The following TMEM117 variants were observed in gnomAD, a reference collection of about 807,000 sequenced individuals.
TMEM117 encodes transmembrane protein 117.
Under a neutral mutation model 52.4 loss-of-function variants are expected in TMEM117, and 27 were observed. The ratio of observed to expected loss-of-function variants is 0.51; its 90% CI spans 0.38 to 0.71. TMEM117 has a LOEUF of 0.71. Ranked by LOEUF, TMEM117 falls within the 30% of genes least tolerant of loss-of-function variation. The pLI, the probability that TMEM117 is intolerant of heterozygous loss-of-function variation, is 0.00. For missense variants in TMEM117, 556 were observed against 630.5 expected (o/e 0.88, Z 1.26); for synonymous variants, 215 against 206.3 (o/e 1.04, Z -0.36).
At chr12:44,327,006 T>C (rs1028528593) in intron 6 of TMEM117, among the ~76,000 whole-genome samples, 2 of 152,226 alleles carry the variant, frequency 1.3e-5, no homozygotes, top group East Asian at 1.9e-4. Flanking sequence ...TTTGACCTAA[T>C]ACAAAAGATA....
At chr12:44,142,539 G>A (rs971485342) in intron 3 of TMEM117, among the ~76,000 whole-genome samples, 1 of 152,022 alleles carries the variant, frequency 6.6e-6, no homozygotes, top group Non-Finnish European at 1.5e-5. Flanking sequence ...CATAATTTCA[G>A]TAGATAAATA....
At chr12:44,334,132 G>A (rs1312207187) in intron 6 of TMEM117, among the ~76,000 whole-genome samples, 1 of 151,990 alleles carries the variant, frequency 6.6e-6, no homozygotes, top group Non-Finnish European at 1.5e-5. Flanking sequence ...CTTCTCTTTT[G>A]ATGACAAACT....
At chr12:44,262,399 TG>T (rs2138543133) in intron 5 of TMEM117, among the ~76,000 whole-genome samples, 1 of 152,342 alleles carries the variant, frequency 6.6e-6, no homozygotes, top group Admixed American at 6.5e-5. Flanking sequence ...AAGGATCCTG[TG>T]GTTATTCTGG....
intron 3 of TMEM117, among the ~76,000 whole-genome samples, chr12:43,981,722 A>G (rs562144743): frequency 2.0e-5 from 3 of 152,320 alleles, no homozygotes; most frequent in South Asian, 2.1e-4. Flanking sequence ...TGAAATCTAA[A>G]TGAAGAGAAA....
At chr12:43,901,233 A>T (rs1944298641) in intron 2 of TMEM117, among the ~76,000 whole-genome samples, 1 of 152,200 alleles carries the variant, frequency 6.6e-6, no homozygotes, top group Non-Finnish European at 1.5e-5. Context: ...CTAGTAGCAT[A>T]TGAGAGTTAT....
At chr12:43,819,772 C>CA in the TMEM117 span, among the ~76,000 whole-genome samples, 146 of 142,008 alleles carry the variant, frequency 1.0e-3, no homozygotes, top group Non-Finnish European at 1.3e-3. Context: ...GAGACTCTGT[C>CA]AAAAAAAAAG....
intron 3 of TMEM117, among the ~76,000 whole-genome samples, chr12:44,077,183 T>C (rs1947395846): frequency 1.3e-5 from 2 of 152,152 alleles, no homozygotes; most frequent in Admixed American, 1.3e-4. Context: ...AAGCTCTCAT[T>C]AGAACAGTTG....
intron 2 of TMEM117, among the ~76,000 whole-genome samples, chr12:43,929,365 C>A (rs1001669377): frequency 6.6e-6 from 1 of 152,086 alleles, no homozygotes; most frequent in African/African-American, 2.4e-5. Context: ...TTAGTGATTA[C>A]CCTAAAGAGT....
intron 3 of TMEM117, among the ~76,000 whole-genome samples, chr12:44,067,012 A>C (rs1327663327): frequency 6.6e-6 from 1 of 152,222 alleles, no homozygotes. Flanking sequence ...TGTAATTTTA[A>C]TAATGTTCTC....
intron 3 of TMEM117, among the ~76,000 whole-genome samples, chr12:43,963,090 G>A (rs1945430359): frequency 6.6e-6 from 1 of 151,452 alleles, no homozygotes; most frequent in African/African-American, 2.4e-5. Context: ...CTTCAGTATT[G>A]CCTCAGATTT....
chr12:43,895,001 CTTTTA>C lies in TMEM117; in HGVS notation c.278-49203_278-49199del, dbSNP rs1367448912. On this transcript the variant is annotated intron_variant, in intron 2 of 7. Transcript: ENST00000266534. ...GGATTGAACATTTTGCTTTTTTTAA[CTTTTA>C]TTTTAAGTTCAGGGCTATAAGTGGA... Among the ~76,000 whole-genome samples, 13 of 152,036 alleles carry C rather than the reference CTTTTA, an allele frequency of 8.6e-5. 2 individuals carry two copies. The South Asian group carries it at 1.5e-3, about 17-fold the overall frequency.
chr12:44,289,226 TG>T (rs1347884149), intron 5 of TMEM117, among the ~76,000 whole-genome samples: 25 of 13,602 alleles, frequency 1.8e-3, no homozygotes, highest in African/African-American at 9.4e-3. Context: ...TATCCCATTT[TG>T]TGTGTGTGTG....
Position 44,124,072 on chromosome 12 carries a change from A to T in TMEM117, c.411-19453A>T, listed in dbSNP as rs190534997. 1.1e-4 allele frequency among the ~76,000 whole-genome samples: 16 copies of T among 151,968 alleles called. No homozygotes were observed. In the East Asian group the frequency reaches 2.7e-3, roughly 26 times the overall value. Reference sequence around the variant, plus strand: ...TTTCCATTTGTTTTAGTCATCTCTGATTTCTTTGAGCAGTGGTTTGTGGTT... The same window carrying T: ...TTTCCATTTGTTTTAGTCATCTCTGTTTTCTTTGAGCAGTGGTTTGTGGTT... On this transcript the variant is annotated intron_variant, in intron 3 of 7. Coordinates refer to ENST00000266534, the MANE Select transcript of TMEM117 (RefSeq NM_032256.3).
chr12:43,956,566 A>G (rs1182636208), intron 3 of TMEM117, among the ~76,000 whole-genome samples: 2 of 151,588 alleles, frequency 1.3e-5, no homozygotes, highest in Non-Finnish European at 2.9e-5. Context: ...GCTCAATGTT[A>G]CTGATCATTA....
At chr12:43,998,698 A>T (rs1946070418) in intron 3 of TMEM117, among the ~76,000 whole-genome samples, 1 of 152,234 alleles carries the variant, frequency 6.6e-6, no homozygotes, top group Non-Finnish European at 1.5e-5. Context: ...AGCACTAATA[A>T]TGAAAGAAAA....
intron 5 of TMEM117, among the ~76,000 whole-genome samples, chr12:44,288,209 A>G (rs1950660635): frequency 6.6e-6 from 1 of 152,216 alleles, no homozygotes; most frequent in African/African-American, 2.4e-5. Context: ...GCTGAGCATA[A>G]TTTTGGAGGT....
chr12:44,265,460 GCA>G, intron 5 of TMEM117, among the ~76,000 whole-genome samples: 1 of 152,152 alleles, frequency 6.6e-6, no homozygotes, highest in African/African-American at 2.4e-5. Flanking sequence ...AAAACTAAAA[GCA>G]GTAATTCCAG....
chr12:43,804,436 T>C, the TMEM117 span: 1 of 1,089,620 alleles, frequency 9.2e-7, no homozygotes. Context: ...CACAGTAAGT[T>C]TAAAAATACA....
chr12:44,182,970 T>G (rs979765906), intron 4 of TMEM117, among the ~76,000 whole-genome samples: 4 of 152,184 alleles, frequency 2.6e-5, no homozygotes, highest in Non-Finnish European at 5.9e-5. Context: ...TTTTCATATT[T>G]AAGGATAATA....
Sources: allele counts gnomAD v4.1 joint callset (sites outside exome capture counted in the v4.1 genomes callset), GRCh38; gene constraint gnomAD v4.1.1; transcripts MANE v1.5; gene names NCBI Gene and HGNC (gene_info 2026-07-23, HGNC 2026-07-21).